RARB: variants seen among roughly 807,000 people sequenced by gnomAD.
RARB encodes the protein HBV-activated protein.
A neutral mutation model predicts 51.9 loss-of-function variants in RARB; 17 were observed. The ratio of observed to expected loss-of-function variants is 0.33; its 90% confidence interval spans 0.22 to 0.49. RARB has a LOEUF of 0.49. Among genes scored for constraint, RARB ranks in the 20% least tolerant of loss-of-function variants. The pLI, the probability that RARB is intolerant of heterozygous loss-of-function variation, is 0.99. For synonymous variants in RARB, 215 were observed against 195.4 expected (o/e 1.10, Z -0.84); for missense variants, 369 against 550.8 (o/e 0.67, Z 3.30).
At chr3:25,234,261 A>T (rs1702251300) in intron 5 of RARB, among the ~76,000 whole-genome samples, 1 of 152,150 alleles carries the variant, frequency 6.6e-6, no homozygotes, top group African/African-American at 2.4e-5. Flanking sequence ...TCCAAGTTAC[A>T]CATTTCTTCT....
At chr3:24,846,628 G>A (rs2125333258) in intron 1 of RARB, among the ~76,000 whole-genome samples, 1 of 152,310 alleles carries the variant, frequency 6.6e-6, no homozygotes, top group Non-Finnish European at 1.5e-5. Flanking sequence ...TGTCTGCCTA[G>A]TACACAGGCT....
At chr3:25,213,677 A>C (rs1415586510) in intron 5 of RARB, among the ~76,000 whole-genome samples, 1 of 152,208 alleles carries the variant, frequency 6.6e-6, no homozygotes, top group Non-Finnish European at 1.5e-5. Context: ...ACAAAATGGA[A>C]GTCAGTCCTG....
At chr3:24,875,374 G>A (rs564690562) in intron 2 of RARB, among the ~76,000 whole-genome samples, 15 of 152,110 alleles carry the variant, frequency 9.9e-5, no homozygotes, top group East Asian at 5.8e-4. Context: ...TTCTGGCTCC[G>A]GACTCATTTT....
Position 25,596,404 on chromosome 3 carries a change from T to G in RARB, c.1151-16T>G. On this transcript the variant is annotated splice_polypyrimidine_tract_variant and intron_variant, in intron 7 of 7. Coordinates refer to ENST00000330688, the MANE Select transcript of RARB (RefSeq NM_000965.5). ...CTCCTTATCTTAACCATATTTCCAT[T>G]ATCTCTTTTGAAAAGGTGCAGAGCG... The G allele has an allele frequency of 6.3e-7, 1 of 1,590,474 alleles. No homozygotes were observed. The highest frequency in any genetic ancestry group is 8.6e-7 in the Non-Finnish European group (1 of 1,159,952).
At chr3:24,866,777 T>G (rs1559376360) in intron 2 of RARB, among the ~76,000 whole-genome samples, 1 of 152,114 alleles carries the variant, frequency 6.6e-6, no homozygotes, top group African/African-American at 2.4e-5. Flanking sequence ...AGAATTGAAA[T>G]AAAGAGTTTT....
chr3:25,284,783 C>G (rs1383863035), intron 5 of RARB, among the ~76,000 whole-genome samples: 27 of 152,152 alleles, frequency 1.8e-4, no homozygotes, highest in Admixed American at 1.8e-3. Context: ...TTTTATCAAG[C>G]AAACACAAAT....
chr3:25,434,877 A>G (rs1708367601), intron 1 of RARB, among the ~76,000 whole-genome samples: 1 of 151,878 alleles, frequency 6.6e-6, no homozygotes, highest in Non-Finnish European at 1.5e-5. Context: ...TCCCATCCCC[A>G]TCTGCATCAG....
intron 1 of RARB, among the ~76,000 whole-genome samples, chr3:24,832,652 A>ATATATAT (rs1491520085): frequency 4.9e-5 from 3 of 61,066 alleles, no homozygotes; most frequent in African/African-American, 2.8e-4. Context: ...TATATATATA[A>ATATATAT]TGTCAATTAA....
intron 4 of RARB, among the ~76,000 whole-genome samples, chr3:25,146,448 A>C (rs945015710): frequency 6.6e-6 from 1 of 151,968 alleles, no homozygotes; most frequent in African/African-American, 2.4e-5. Flanking sequence ...ATTTGCAAAA[A>C]CACACAGGCT....
At chr3:25,077,476 A>G (rs901987950) in intron 3 of RARB, among the ~76,000 whole-genome samples, 2 of 152,096 alleles carry the variant, frequency 1.3e-5, no homozygotes, top group Non-Finnish European at 2.9e-5. Flanking sequence ...TATCTATCGC[A>G]GTATAATATT....
chr3:25,293,145 C>T (rs1354366522), intron 5 of RARB, among the ~76,000 whole-genome samples: 1 of 152,136 alleles, frequency 6.6e-6, no homozygotes, highest in Non-Finnish European at 1.5e-5. Context: ...TAGAATTTTT[C>T]GCCGTATACC....
chr3:24,861,594 T>TAAA (rs3057186), intron 2 of RARB, among the ~76,000 whole-genome samples: 1 of 137,840 alleles, frequency 7.3e-6, no homozygotes, highest in African/African-American at 2.6e-5. Flanking sequence ...TAACTTGTTA[T>TAAA]AAAAAAAAAA....
intron 3 of RARB, among the ~76,000 whole-genome samples, chr3:25,109,880 T>C (rs935295288): frequency 2.6e-5 from 4 of 152,230 alleles, no homozygotes; most frequent in African/African-American, 9.6e-5. Context: ...TTCAGAGGCC[T>C]GGATCCCAGC....
chr3:25,475,458 C>T (rs1348475067), intron 2 of RARB, among the ~76,000 whole-genome samples: 1 of 152,006 alleles, frequency 6.6e-6, no homozygotes, highest in Non-Finnish European at 1.5e-5. Flanking sequence ...AAGTATATTA[C>T]TATTAAGTAA....
intron 2 of RARB, among the ~76,000 whole-genome samples, chr3:24,933,934 G>T (rs73820315): frequency 6.6e-6 from 1 of 152,064 alleles, no homozygotes; most frequent in Non-Finnish European, 1.5e-5. Context: ...TTCCAACAAG[G>T]TAATCAACTG....
At chr3:25,129,023 A>C (rs548458647) in intron 3 of RARB, among the ~76,000 whole-genome samples, 1 of 152,268 alleles carries the variant, frequency 6.6e-6, no homozygotes, top group African/African-American at 2.4e-5. Context: ...TGTAAGTTCT[A>C]ATGAGAAACA....
intron 4 of RARB, among the ~76,000 whole-genome samples, chr3:25,154,928 T>C (rs73050338): frequency 0.085 from 12,882 of 152,276 alleles, 721 homozygotes; most frequent in Non-Finnish European, 0.13. Flanking sequence ...AGGGGTGGCA[T>C]GAGCATGGCT....
intron 5 of RARB, among the ~76,000 whole-genome samples, chr3:25,384,428 A>T (rs553152017): frequency 2.3e-4 from 35 of 152,350 alleles, no homozygotes; most frequent in African/African-American, 8.2e-4. Flanking sequence ...ATATTGGGCA[A>T]AAGGCTTGTG....
At chr3:25,184,948 A>G (rs923189051) in intron 5 of RARB, among the ~76,000 whole-genome samples, 1 of 152,184 alleles carries the variant, frequency 6.6e-6, no homozygotes, top group African/African-American at 2.4e-5. Context: ...ATTCATTATT[A>G]TTATCCATGC....
Sources: gnomAD v4.1 joint callset for allele counts (sites outside exome capture counted in the v4.1 genomes callset) on GRCh38, gnomAD v4.1.1 for gene constraint, MANE v1.5 for transcripts, NCBI Gene and HGNC (gene_info 2026-07-23, HGNC 2026-07-21) for gene names.